ATP8B4: variants seen among roughly 807,000 people sequenced by gnomAD.
ATP8B4 encodes probable phospholipid-transporting ATPase IM.
Under a neutral mutation model 145.6 loss-of-function variants are expected in ATP8B4, and 133 were observed. The observed-to-expected ratio is 0.91, with a 90% confidence interval of 0.79 to 1.05. The LOEUF is 1.05. ATP8B4 is among the 50% of genes least tolerant of loss of function. The pLI is 0.00. For synonymous variants in ATP8B4, 507 were observed against 492.9 expected (o/e 1.03, Z -0.38); for missense variants, 1,458 against 1,425.2 (o/e 1.02, Z -0.37).
chr15:50,117,073 C>T (rs2057178119), intron 1 of ATP8B4, among the ~76,000 whole-genome samples: 1 of 151,882 alleles, frequency 6.6e-6, no homozygotes, highest in South Asian at 2.1e-4. Flanking sequence ...TTTGTGGAGA[C>T]AGAGTCTCGC....
intron 14 of ATP8B4, among the ~76,000 whole-genome samples, chr15:49,943,746 T>C (rs1266336325): frequency 6.6e-6 from 1 of 152,106 alleles, no homozygotes; most frequent in African/African-American, 2.4e-5. Flanking sequence ...AATGAAAGGA[T>C]GCAAAACAGC....
intron 26 of ATP8B4, among the ~76,000 whole-genome samples, chr15:49,865,440 G>T (rs1358216839): frequency 1.3e-5 from 2 of 152,210 alleles, no homozygotes; most frequent in African/African-American, 2.4e-5. Flanking sequence ...ACCCAGGGAG[G>T]GGGTTGGGGG....
At chr15:49,962,268 C>A (rs547968784) in intron 13 of ATP8B4, among the ~76,000 whole-genome samples, 64 of 152,266 alleles carry the variant, frequency 4.2e-4, no homozygotes, top group African/African-American at 1.4e-3. Context: ...AAAAATGAAG[C>A]AATTATGTTT....
chr15:49,970,991 T>C (rs2045067774), intron 13 of ATP8B4, among the ~76,000 whole-genome samples: 1 of 152,138 alleles, frequency 6.6e-6, no homozygotes, highest in South Asian at 2.1e-4. Flanking sequence ...ATCTGATCCT[T>C]GACAAACCTT....
chr15:49,952,943 T>G (rs558182712), intron 14 of ATP8B4, among the ~76,000 whole-genome samples: 140 of 152,284 alleles, frequency 9.2e-4, no homozygotes, highest in African/African-American at 3.1e-3. Context: ...TGCTTGTTTT[T>G]CTTTCAATAG....
intron 13 of ATP8B4, among the ~76,000 whole-genome samples, chr15:49,966,732 G>A (rs1418836316): frequency 3.3e-5 from 5 of 152,222 alleles, no homozygotes; most frequent in Non-Finnish European, 7.3e-5. Flanking sequence ...GCTCTGAAGA[G>A]AGCAGCAGAT....
At chr15:50,170,467 A>G (rs2044654256) in intron 1 of ATP8B4, among the ~76,000 whole-genome samples, 1 of 150,174 alleles carries the variant, frequency 6.7e-6, no homozygotes, top group Non-Finnish European at 1.5e-5. Context: ...TCAGACAAAC[A>G]AATGCTGAGA....
chr15:50,116,230 C>A (rs2057156194), intron 1 of ATP8B4, among the ~76,000 whole-genome samples: 1 of 152,064 alleles, frequency 6.6e-6, no homozygotes, highest in Admixed American at 6.6e-5. Context: ...CCAGCCTGGG[C>A]AACATAGTGA....
At chr15:50,117,119 C>T (rs551890250) in intron 1 of ATP8B4, among the ~76,000 whole-genome samples, 179 of 152,234 alleles carry the variant, frequency 1.2e-3, no homozygotes, top group African/African-American at 4.1e-3. Context: ...GGCCTGATCT[C>T]GGCTCACTGC....
chr15:49,996,747 T>C lies in ATP8B4; in HGVS notation c.519A>G (p.Leu173=), dbSNP rs1425458404. The change falls in exon 9 of 28, where the codon CTA becomes CTG. Residue 173 remains leucine, a synonymous_variant. Coordinates refer to ENST00000284509, the MANE Select transcript of ATP8B4 (RefSeq NM_024837.4). ...TAACTGATAGTGCATGGCGGACTTT[T>C]AGGTTCGTTTCCCTGTGAAATTATT... ...ETAELDGETN[L]KVRHALSVTS... The C allele has an allele frequency of 6.2e-7, 1 of 1,610,168 alleles. No homozygotes were observed. The highest frequency in any genetic ancestry group is 2.2e-5 in the East Asian group (1 of 44,658).
chr15:50,002,337 T>C (rs1386407758), intron 7 of ATP8B4, 114 bp from the exon 8 acceptor site: 1 of 801,600 alleles, frequency 1.2e-6, no homozygotes, highest in Non-Finnish European at 1.9e-6. Context: ...AGAAACAGAG[T>C]AAAAGAAGTG....
intron 5 of ATP8B4, among the ~76,000 whole-genome samples, chr15:50,039,097 G>T (rs2153600623): frequency 6.6e-6 from 1 of 152,306 alleles, no homozygotes; most frequent in African/African-American, 2.4e-5. Context: ...TTGCTTCTAA[G>T]AAGACAATAT....
intron 16 of ATP8B4, among the ~76,000 whole-genome samples, chr15:49,929,988 G>C (rs939236454): frequency 1.3e-5 from 2 of 151,900 alleles, no homozygotes. Context: ...AACTAATCTG[G>C]GATGGAAAGC....
intron 1 of ATP8B4, among the ~76,000 whole-genome samples, chr15:50,160,015 C>CTTTTTT (rs35773416): frequency 0.024 from 480 of 20,058 alleles, 75 homozygotes; most frequent in Middle Eastern, 0.083. Flanking sequence ...CAGGTCCTGG[C>CTTTTTT]TTTTTTTTTT....
intron 16 of ATP8B4, among the ~76,000 whole-genome samples, chr15:49,929,912 A>G (rs1454347686): frequency 1.3e-5 from 2 of 152,122 alleles, no homozygotes; most frequent in African/African-American, 2.4e-5. Flanking sequence ...GAGTAGAGGA[A>G]GAAGAAACTT....
At chr15:49,926,114 C>G (rs2040698291) in intron 16 of ATP8B4, among the ~76,000 whole-genome samples, 4 of 152,068 alleles carry the variant, frequency 2.6e-5, no homozygotes, top group Admixed American at 2.6e-4. Context: ...GTTCCAACAC[C>G]AGGCTGTTTT....
At chr15:50,005,759 A>G (rs956129105) in intron 7 of ATP8B4, among the ~76,000 whole-genome samples, 1 of 152,226 alleles carries the variant, frequency 6.6e-6, no homozygotes, top group African/African-American at 2.4e-5. Context: ...TCACTGGAAC[A>G]CAACTACGAA....
chr15:49,965,936 G>A (rs750157875), intron 13 of ATP8B4, among the ~76,000 whole-genome samples: 20 of 152,144 alleles, frequency 1.3e-4, no homozygotes, highest in Non-Finnish European at 2.5e-4. Flanking sequence ...ATCTCATTGG[G>A]ACTGGTTAGA....
chr15:49,876,612 G>T (rs528398719), intron 24 of ATP8B4, 89 bp from the exon 25 acceptor site: 1 of 1,535,048 alleles, frequency 6.5e-7, no homozygotes, highest in Non-Finnish European at 8.9e-7. Flanking sequence ...GCAAATGCCT[G>T]TTTAAACATG....
Sources: allele counts gnomAD v4.1 joint callset (sites outside exome capture counted in the v4.1 genomes callset), GRCh38; gene constraint gnomAD v4.1.1; transcripts MANE v1.5; gene names NCBI Gene and HGNC (gene_info 2026-07-23, HGNC 2026-07-21).